The following KLHL13 variants were observed in gnomAD, a reference collection of about 807,000 sequenced individuals.
KLHL13 encodes kelch like family member 13.
KLHL13 carries 10 observed loss-of-function variants against 37.1 expected under a neutral mutation model. That is an observed-to-expected ratio of 0.27 (90% CI 0.17 to 0.46). The LOEUF is 0.46. KLHL13 is among the 20% of genes least tolerant of loss of function. The pLI is 1.00. For missense variants in KLHL13, 360 were observed against 509.3 expected (o/e 0.71, Z 2.82); for synonymous variants, 163 against 181.2 (o/e 0.90, Z 0.81).
chrX:118,072,813 G>C (rs1225922281), intron 1 of KLHL13, among the ~76,000 whole-genome samples: 1 of 111,668 alleles, frequency 9.0e-6, no homozygotes, highest in African/African-American at 3.3e-5. Flanking sequence ...TGGAGAAAGA[G>C]GCTGGGCATA....
At chrX:117,944,115 G>T (rs1933196491) in intron 2 of KLHL13, among the ~76,000 whole-genome samples, 1 of 110,959 alleles carries the variant, frequency 9.0e-6, no homozygotes, top group African/African-American at 3.3e-5. Context: ...GGTGCTAGAG[G>T]TCCACTCCAG....
intron 1 of KLHL13, among the ~76,000 whole-genome samples, chrX:118,023,854 G>A (rs1244867298): frequency 8.9e-6 from 1 of 111,835 alleles, no homozygotes; most frequent in Non-Finnish European, 1.9e-5. Context: ...TTCCAGATGT[G>A]AGCCTTTTCC....
chrX:118,114,177 C>T lies in KLHL13; in HGVS notation c.-56+2331G>A, dbSNP rs184715907. Among the ~76,000 whole-genome samples the T allele has an allele frequency of 4.5e-5, 5 of 112,359 alleles. No individual in the cohort carries two copies. The Admixed American group carries it at 4.7e-4, about 11-fold the overall frequency. On this transcript the variant is annotated intron_variant, in intron 1 of 6. Coordinates refer to the KLHL13 transcript ENST00000371882. ...TGGTTTATCAAACATCAATAAAAAT[C>T]AAACAATTTGAAAATTGGTCAGTCT...
chrX:117,941,927 G>A (rs1393648121), intron 2 of KLHL13, among the ~76,000 whole-genome samples: 1 of 111,341 alleles, frequency 9.0e-6, no homozygotes, highest in Non-Finnish European at 1.9e-5. Flanking sequence ...TGTGATGTTA[G>A]GGTGTCTATT....
intron 5 of KLHL13, among the ~76,000 whole-genome samples, chrX:117,903,438 C>A (rs902647182): frequency 9.0e-6 from 1 of 111,407 alleles, no homozygotes; most frequent in Middle Eastern, 4.7e-3. Flanking sequence ...TGGATCCTTG[C>A]CAATTCTATT....
rs769509987 is a variant in KLHL13, at chrX:118,095,206, C to A, written c.-56+21302G>T. Among the ~76,000 whole-genome samples, 816 of 110,203 alleles carry A rather than the reference C, an allele frequency of 7.4e-3. 7 individuals are homozygous for A. The highest frequency in any genetic ancestry group is 0.026 in the African/African-American group (787 of 30,222). ...AAGGGATGGAGGAAGATCTACCAAGCAAATGGAAAACAAAAAAAGGCAGGG... is the reference window on the plus strand; with the variant it reads ...AAGGGATGGAGGAAGATCTACCAAGAAAATGGAAAACAAAAAAAGGCAGGG... On this transcript the variant is annotated intron_variant, in intron 1 of 6. Transcript: ENST00000371882.
At chrX:117,985,388 T>C in intron 1 of KLHL13, 1 of 1,003,034 alleles carries the variant, frequency 1.0e-6, no homozygotes, top group Non-Finnish European at 1.3e-6. Context: ...CCCCAGTGCA[T>C]CTGCCTGGTA....
intron 1 of KLHL13, among the ~76,000 whole-genome samples, chrX:118,008,998 G>A (rs1404014324): frequency 8.9e-6 from 1 of 111,970 alleles, no homozygotes; most frequent in Non-Finnish European, 1.9e-5. Flanking sequence ...ACTACTATGA[G>A]TACTGGGACT....
chrX:118,075,887 C>G (rs1317742979), intron 1 of KLHL13, among the ~76,000 whole-genome samples: 1 of 111,546 alleles, frequency 9.0e-6, no homozygotes, highest in African/African-American at 3.3e-5. Context: ...TAATAGTCTG[C>G]TAGGTTCTAT....
At chrX:118,017,500 G>A (rs554557707) in intron 1 of KLHL13, among the ~76,000 whole-genome samples, 2 of 111,371 alleles carry the variant, frequency 1.8e-5, no homozygotes, top group Non-Finnish European at 3.8e-5. Flanking sequence ...ATTGCAGGAC[G>A]TCAGGCAAAA....
At chrX:118,098,248 T>G (rs1461521800) in intron 1 of KLHL13, among the ~76,000 whole-genome samples, 1 of 111,083 alleles carries the variant, frequency 9.0e-6, no homozygotes, top group Non-Finnish European at 1.9e-5. Flanking sequence ...AATAACCCCA[T>G]CAAAAAGTGG....
At chrX:117,990,864 C>T (rs762066911) in intron 1 of KLHL13, among the ~76,000 whole-genome samples, 82 of 111,760 alleles carry the variant, frequency 7.3e-4, no homozygotes, top group African/African-American at 2.7e-3. Flanking sequence ...GTCTCAAATC[C>T]CTTTCTCACC....
intron 1 of KLHL13, among the ~76,000 whole-genome samples, chrX:118,113,725 C>T (rs775191236): frequency 5.4e-5 from 6 of 112,008 alleles, no homozygotes; most frequent in Non-Finnish European, 7.5e-5. Context: ...TCATATTCCC[C>T]TACTTATTTT....
intron 1 of KLHL13, among the ~76,000 whole-genome samples, chrX:118,019,172 G>C (rs923052703): frequency 9.0e-6 from 1 of 110,891 alleles, no homozygotes; most frequent in Admixed American, 9.7e-5. Context: ...TCACCTAACT[G>C]CAAATTTTCA....
At chrX:117,914,832 A>G (rs1219049684) in intron 4 of KLHL13, among the ~76,000 whole-genome samples, 7 of 112,335 alleles carry the variant, frequency 6.2e-5, no homozygotes, top group Non-Finnish European at 1.3e-4. Context: ...GGCTTTTGTG[A>G]GGTTGAAGAG....
chrX:117,932,727 C>T (rs765277071), intron 2 of KLHL13, among the ~76,000 whole-genome samples: 12 of 112,129 alleles, frequency 1.1e-4, no homozygotes, highest in African/African-American at 3.9e-4. Flanking sequence ...TGGATATATA[C>T]CCAGTAATGG....
intron 1 of KLHL13, among the ~76,000 whole-genome samples, chrX:118,025,969 T>G (rs1453458003): frequency 6.3e-5 from 7 of 111,896 alleles, no homozygotes; most frequent in Non-Finnish European, 1.1e-4. Flanking sequence ...TGATGACAGT[T>G]GGATTCGGTA....
intron 1 of KLHL13, among the ~76,000 whole-genome samples, chrX:117,987,334 G>A (rs2053739800): frequency 9.0e-6 from 1 of 111,710 alleles, no homozygotes; most frequent in Non-Finnish European, 1.9e-5. Flanking sequence ...GAGTGTAGGT[G>A]CTTGGGTATA....
chrX:117,968,267 G>A (rs937378117), intron 1 of KLHL13, among the ~76,000 whole-genome samples: 7 of 112,079 alleles, frequency 6.2e-5, no homozygotes, highest in Non-Finnish European at 1.3e-4. Flanking sequence ...TCCATGAATG[G>A]AGGGTGCAGC....
Sources: allele counts gnomAD v4.1 joint callset (sites outside exome capture counted in the v4.1 genomes callset), GRCh38; gene constraint gnomAD v4.1.1; transcripts MANE v1.5; gene names NCBI Gene and HGNC (gene_info 2026-07-23, HGNC 2026-07-21).